UBE2F: variants seen among roughly 807,000 people sequenced by gnomAD.
UBE2F encodes ubiquitin conjugating enzyme E2 F (putative), also known as NEDD8-conjugating enzyme UBE2F.
A neutral mutation model predicts 29.6 loss-of-function variants in UBE2F; 5 were observed. The ratio of observed to expected loss-of-function variants is 0.17; its 90% CI spans 0.09 to 0.36. UBE2F has a LOEUF of 0.36. Ranked by LOEUF, UBE2F falls within the 10% of genes least tolerant of loss-of-function variation. The probability of loss-of-function intolerance (pLI) is 1.00; values close to 1 mark genes in which losing one functional copy is unlikely to be tolerated. For missense variants in UBE2F, 141 were observed against 228.5 expected, an observed-to-expected ratio of 0.62 and a Z score of 2.47; for synonymous variants, 66 against 81.8, an observed-to-expected ratio of 0.81 and a Z score of 1.04.
chr2:237,971,757 G>T (rs1181532452), intron 1 of UBE2F, among the ~76,000 whole-genome samples: 1 of 68,130 alleles, frequency 1.5e-5, no homozygotes, highest in Non-Finnish European at 3.1e-5. Context: ...GTTACAATTA[G>T]TGGGATCATA....
chr2:237,987,926 T>C (rs751834771), intron 2 of UBE2F, 37 bp from the exon 3 acceptor site: 1 of 1,225,218 alleles, frequency 8.2e-7, no homozygotes, highest in Non-Finnish European at 1.1e-6. Flanking sequence ...TGTGGAGTAA[T>C]TGACTAATAT....
rs1479489583 is a variant in UBE2F at position 237,994,111 on chromosome 2, T to TC, written c.149-633_149-632insC. Among the ~76,000 whole-genome samples, 75 of 11,554 alleles carry TC rather than the reference T, an allele frequency of 6.5e-3. 1 individual carries two copies. Among genetic ancestry groups the TC allele is most frequent in the Middle Eastern group, 0.062 (1 of 16 alleles). The allele number at this position is 11,554 out of a possible 152,430, so 7.6% of individuals were successfully genotyped here. ...GCACTCTTCTTCTTCTTCTTCTTCT[T>TC]TTTTTTTTTTTTTTTTGAGGCAGAG... is the stretch of plus-strand genomic sequence containing the variant. On this transcript the variant is annotated intron_variant, in intron 3 of 9. Transcript: ENST00000272930.
chr2:238,007,495 A>G (rs1251312538), intron 4 of UBE2F, among the ~76,000 whole-genome samples: 1 of 148,136 alleles, frequency 6.8e-6, no homozygotes. Context: ...GCATATATAC[A>G]TATATATGTA....
At chr2:237,986,369 G>T in intron 2 of UBE2F, 1 of 165,384 alleles carries the variant, frequency 6.0e-6, no homozygotes, top group Non-Finnish European at 1.3e-5. Flanking sequence ...GCCCAGGTAG[G>T]CCTTTAAACT....
intron 2 of UBE2F, among the ~76,000 whole-genome samples, chr2:237,987,700 T>A (rs1015444591): frequency 6.6e-6 from 1 of 152,238 alleles, no homozygotes; most frequent in African/African-American, 2.4e-5. Context: ...AGGTCATTTC[T>A]ATGTTAATTT....
In UBE2F at chr2:237,973,091, G is replaced by A; in HGVS notation, c.-16-1G>A. On this transcript the variant is annotated splice_acceptor_variant, in intron 1 of 9. Transcript: ENST00000272930. LOFTEE classifies it low-confidence loss of function (5UTR_SPLICE). ...ACCCTGCTTTCATTGCTGTCTTTCA[G>A]GGTAAAGGCAGCAGTAATGCTAACG... 5 of 1,605,304 alleles carry A rather than the reference G, an allele frequency of 3.1e-6. No individual in the cohort carries two copies. Among genetic ancestry groups the A allele is most frequent in the Non-Finnish European group, 4.3e-6 (5 of 1,172,996 alleles).
rs111480075 is a variant in UBE2F, at chr2:237,988,360, A to G, written c.148+368A>G. Among the ~76,000 whole-genome samples the G allele has an allele frequency of 6.7e-3, 1,023 of 152,056 alleles. 15 individuals are homozygous for G. In the Middle Eastern group the frequency reaches 0.082, roughly 12 times the overall value. ...CTACTTGGGAGGCTGAGGCAGGAGA[A>G]TCACTTGAACCTGGGAGGCAGAGGT... On this transcript the variant is annotated intron_variant, in intron 3 of 9. Transcript: ENST00000272930.
chr2:237,979,145 A>G (rs1047468978), intron 2 of UBE2F, among the ~76,000 whole-genome samples: 3 of 152,308 alleles, frequency 2.0e-5, no homozygotes, highest in Admixed American at 2.0e-4. Context: ...TTTCAGGGTC[A>G]AGTCTGGAGT....
At chr2:238,035,752 T>A (rs1041468115) in intron 8 of UBE2F, 126 bp from the exon 9 acceptor site, 4 of 681,674 alleles carry the variant, frequency 5.9e-6, no homozygotes, top group Non-Finnish European at 1.0e-5. Context: ...CTTAGTGGGA[T>A]TCTCAGCTCT....
chr2:237,995,261 G>A (rs2063667349), intron 4 of UBE2F, among the ~76,000 whole-genome samples: 1 of 152,200 alleles, frequency 6.6e-6, no homozygotes, highest in African/African-American at 2.4e-5. Flanking sequence ...AAGCACTTAA[G>A]CCCAGGGTCT....
chr2:237,995,135 T>A (rs1031185382), intron 4 of UBE2F, among the ~76,000 whole-genome samples: 1 of 152,226 alleles, frequency 6.6e-6, no homozygotes, highest in African/African-American at 2.4e-5. Flanking sequence ...GTAGGAATAG[T>A]GTGACCTTGG....
At chr2:237,988,948 A>G (rs137883412) in intron 3 of UBE2F, among the ~76,000 whole-genome samples, 32 of 152,226 alleles carry the variant, frequency 2.1e-4, no homozygotes, top group African/African-American at 7.7e-4. Flanking sequence ...TGAGCACCGT[A>G]CATTCGGAAA....
At chr2:238,000,788 C>T (rs896654148) in intron 4 of UBE2F, among the ~76,000 whole-genome samples, 1 of 152,064 alleles carries the variant, frequency 6.6e-6, no homozygotes, top group African/African-American at 2.4e-5. Context: ...ATGAGAATTC[C>T]AGTTTCTCTA....
At chr2:238,029,286 T>TA (rs748001439) in intron 6 of UBE2F, among the ~76,000 whole-genome samples, 4,406 of 128,922 alleles carry the variant, frequency 0.034, 200 homozygotes, top group African/African-American at 0.11. Context: ...TTTAAAAAAA[T>TA]AAAAAAAAAA....
chr2:237,978,286 C>T (rs138240554), intron 2 of UBE2F, among the ~76,000 whole-genome samples: 3 of 152,334 alleles, frequency 2.0e-5, no homozygotes, highest in East Asian at 1.9e-4. Flanking sequence ...TGCATCACAG[C>T]GCCTGGCTCA....
chr2:238,024,050 A>G (rs912629225), intron 5 of UBE2F, among the ~76,000 whole-genome samples: 1 of 152,180 alleles, frequency 6.6e-6, no homozygotes, highest in Non-Finnish European at 1.5e-5. Flanking sequence ...ATCTGAAACG[A>G]TGGCAGAAAT....
intron 3 of UBE2F, among the ~76,000 whole-genome samples, chr2:237,988,409 C>G (rs2063522731): frequency 6.6e-6 from 1 of 150,758 alleles, no homozygotes; most frequent in Non-Finnish European, 1.5e-5. Context: ...GATCAGGCCA[C>G]TGCACTCCAA....
chr2:237,999,431 C>G (rs1174681717), intron 4 of UBE2F, among the ~76,000 whole-genome samples: 5 of 152,072 alleles, frequency 3.3e-5, no homozygotes, highest in South Asian at 2.1e-4. Flanking sequence ...CCTTTTATGT[C>G]CTGTCCAGAA....
intron 4 of UBE2F, among the ~76,000 whole-genome samples, chr2:237,999,459 A>G (rs2063749932): frequency 1.3e-5 from 2 of 152,282 alleles, no homozygotes; most frequent in South Asian, 4.1e-4. Flanking sequence ...CTTACCTGAA[A>G]CTTATAAATA....
Sources: allele counts gnomAD v4.1 joint callset (sites outside exome capture counted in the v4.1 genomes callset), GRCh38; gene constraint gnomAD v4.1.1; transcripts MANE v1.5; gene names NCBI Gene and HGNC (gene_info 2026-07-23, HGNC 2026-07-21).